QKI: variants seen among roughly 807,000 people sequenced by gnomAD.
The protein encoded by QKI is KH domain-containing RNA-binding protein QKI.
Under a neutral mutation model 39.0 loss-of-function variants are expected in QKI, and 10 were observed. That is an observed-to-expected ratio of 0.26 (90% CI 0.16 to 0.43). QKI has a LOEUF of 0.43. Among genes scored for constraint, QKI ranks in the 20% least tolerant of loss-of-function variants. The pLI, the probability that QKI is intolerant of heterozygous loss-of-function variation, is 1.00. For synonymous variants in QKI, 204 were observed against 155.4 expected, an observed-to-expected ratio of 1.31 and a Z score of -2.33; for missense variants, 218 against 428.0, an observed-to-expected ratio of 0.51 and a Z score of 4.33.
At chr6:163,492,040 A>G (rs1778087327) in intron 3 of QKI, among the ~76,000 whole-genome samples, 1 of 152,222 alleles carries the variant, frequency 6.6e-6, no homozygotes, top group African/African-American at 2.4e-5. Flanking sequence ...ATATTTGAGC[A>G]TCTTGTAGTT....
rs78680487 is a variant in QKI, at chr6:163,577,439, T to A, written c.*6729T>A. The A allele has an allele frequency of 6.6e-6, 1 of 152,150 alleles. No homozygotes were observed. The highest frequency in any genetic ancestry group is 1.5e-5 in the Non-Finnish European group (1 of 68,016). The allele number at this position is 152,150 out of a possible 1,614,324, so 9.4% of individuals were successfully genotyped here. A position where few individuals can be genotyped will look rare whatever the true frequency, so the allele number is the denominator to read the frequency against. On this transcript the variant is annotated 3_prime_UTR_variant, in exon 8 of 8. Transcript: ENST00000361752. ...GATTGCCCATATTAGATTTTTTTTTTAATTCTTCACAAAATCTGCTCTTCC... is the reference window on the plus strand; with the variant it reads ...GATTGCCCATATTAGATTTTTTTTTAAATTCTTCACAAAATCTGCTCTTCC...
At chr6:163,520,282 A>G (rs915813552) in intron 3 of QKI, among the ~76,000 whole-genome samples, 3 of 152,172 alleles carry the variant, frequency 2.0e-5, no homozygotes, top group Non-Finnish European at 4.4e-5. Context: ...GCAGTAAAGT[A>G]TAAGATAATA....
chr6:163,468,055 A>G (rs1026841202), intron 2 of QKI, among the ~76,000 whole-genome samples: 2 of 152,102 alleles, frequency 1.3e-5, no homozygotes, highest in Non-Finnish European at 2.9e-5. Context: ...CATCTTACAT[A>G]CTTGTATAAG....
chr6:163,566,640 T>A, intron 6 of QKI, 81 bp from the exon 7 acceptor site: 2 of 1,564,972 alleles, frequency 1.3e-6, no homozygotes, highest in Non-Finnish European at 1.7e-6. Context: ...TTGAAATCCA[T>A]TTTGATAAAC....
intron 2 of QKI, among the ~76,000 whole-genome samples, chr6:163,473,655 T>C (rs755549285): frequency 1.3e-5 from 2 of 152,128 alleles, no homozygotes; most frequent in Non-Finnish European, 2.9e-5. Flanking sequence ...AACTTAAAAA[T>C]TGACATACGA....
At chr6:163,466,703 A>T (rs1791784839) in intron 2 of QKI, among the ~76,000 whole-genome samples, 1 of 152,138 alleles carries the variant, frequency 6.6e-6, no homozygotes, top group African/African-American at 2.4e-5. Context: ...CCTTACTTAC[A>T]CCGTACATAA....
chr6:163,424,097 T>C (rs1788213896), intron 1 of QKI, among the ~76,000 whole-genome samples: 1 of 152,206 alleles, frequency 6.6e-6, no homozygotes. Flanking sequence ...TCATTTCAAA[T>C]AATTCAAACA....
chr6:163,517,306 G>A (rs556904658), intron 3 of QKI, among the ~76,000 whole-genome samples: 4 of 152,284 alleles, frequency 2.6e-5, no homozygotes, highest in African/African-American at 9.6e-5. Flanking sequence ...AATATGTCAG[G>A]TTAACCCAGG....
intron 3 of QKI, among the ~76,000 whole-genome samples, chr6:163,494,656 TTTTTTG>T (rs1352713253): frequency 2.2e-5 from 2 of 89,936 alleles, no homozygotes; most frequent in African/African-American, 8.2e-5. Context: ...TTTGGGTTTT[TTTTTTG>T]TTTTTGTTGT....
At chr6:163,492,453 T>C (rs1216806515) in intron 3 of QKI, among the ~76,000 whole-genome samples, 4 of 152,214 alleles carry the variant, frequency 2.6e-5, no homozygotes, top group Non-Finnish European at 5.9e-5. Flanking sequence ...TAACAACAAT[T>C]GTGAATCTCA....
At chr6:163,439,643 C>G (rs117993874) in intron 1 of QKI, among the ~76,000 whole-genome samples, 19,386 of 147,598 alleles carry the variant, frequency 0.13, 1,841 homozygotes, top group Admixed American at 0.31. Flanking sequence ...CATGAGCCAC[C>G]GCGTCCTGAA....
chr6:163,489,891 G>GTA (rs1402571631), intron 3 of QKI, among the ~76,000 whole-genome samples: 1 of 152,128 alleles, frequency 6.6e-6, no homozygotes, highest in African/African-American at 2.4e-5. Flanking sequence ...TGAGAAAGGT[G>GTA]TACCCTGTGA....
intron 3 of QKI, among the ~76,000 whole-genome samples, chr6:163,507,116 C>G (rs1779150415): frequency 6.6e-6 from 1 of 152,158 alleles, no homozygotes. Flanking sequence ...GCTGTATCAC[C>G]TGTGAATACA....
chr6:163,457,449 C>G (rs558169884), intron 2 of QKI: 4 of 455,802 alleles, frequency 8.8e-6, no homozygotes, highest in Non-Finnish European at 1.8e-5. Context: ...TTGTCTTGAT[C>G]GGTGATTCTC....
intron 4 of QKI, among the ~76,000 whole-genome samples, chr6:163,547,865 A>G (rs1465298776): frequency 3.3e-5 from 5 of 152,076 alleles, no homozygotes; most frequent in Admixed American, 2.0e-4. Context: ...TTTTTAATAT[A>G]TAGAAATGTC....
At chr6:163,480,038 C>T (rs756576079) in intron 3 of QKI, among the ~76,000 whole-genome samples, 15 of 151,956 alleles carry the variant, frequency 9.9e-5, no homozygotes, top group Non-Finnish European at 1.8e-4. Flanking sequence ...CCTGCCATTT[C>T]TTCTTTTGCT....
At chr6:163,470,756 G>A (rs1403943930) in intron 2 of QKI, among the ~76,000 whole-genome samples, 1 of 152,098 alleles carries the variant, frequency 6.6e-6, no homozygotes, top group Non-Finnish European at 1.5e-5. Context: ...TTAACAGGTG[G>A]GTTTAACAGA....
At chr6:163,482,987 A>C (rs1793195490) in intron 3 of QKI, among the ~76,000 whole-genome samples, 1 of 152,170 alleles carries the variant, frequency 6.6e-6, no homozygotes. Flanking sequence ...GAGACTATCC[A>C]GGGCCCCCAC....
intron 1 of QKI, among the ~76,000 whole-genome samples, chr6:163,438,734 CAGTGAGTG>C (rs1345334027): frequency 2.6e-5 from 4 of 151,744 alleles, no homozygotes; most frequent in African/African-American, 4.8e-5. Flanking sequence ...CTCGGTGAGT[CAGTGAGTG>C]AGTGGTGAGT....
Sources: gnomAD v4.1 joint callset for allele counts (sites outside exome capture counted in the v4.1 genomes callset) on GRCh38, gnomAD v4.1.1 for gene constraint, MANE v1.5 for transcripts, NCBI Gene and HGNC (gene_info 2026-07-23, HGNC 2026-07-21) for gene names.